Variants in TNNI3K observed in about 807,000 individuals in gnomAD.
TNNI3K encodes the protein TNNI3 interacting kinase, also known as serine/threonine-protein kinase TNNI3K.
In TNNI3K, 140 loss-of-function variants were observed where a neutral mutation model predicts 114.5. The observed-to-expected ratio is 1.22, with a 90% CI of 1.07 to 1.41. TNNI3K has a LOEUF of 1.41. Ranked by LOEUF, TNNI3K falls within the 40% of genes most tolerant of loss-of-function variation. The pLI, the probability that TNNI3K is intolerant of heterozygous loss-of-function variation, is 0.00. For missense variants in TNNI3K, 1,125 were observed against 1,007.6 expected, an observed-to-expected ratio of 1.12 and a Z score of -1.58; for synonymous variants, 347 against 347.5, an observed-to-expected ratio of 1.00 and a Z score of 0.02.
At chr1:74,373,239 A>T (rs1251722170) in intron 17 of TNNI3K, 1 of 151,972 alleles carries the variant, frequency 6.6e-6, no homozygotes, top group Non-Finnish European at 1.5e-5. Context: ...CAACTTTCAG[A>T]GGATTTCAAG....
At chr1:74,251,608 G>A (rs991491621) in intron 4 of TNNI3K, among the ~76,000 whole-genome samples, 5 of 152,120 alleles carry the variant, frequency 3.3e-5, no homozygotes, top group Admixed American at 1.3e-4. Flanking sequence ...TGTATATTGC[G>A]TATTTTGTTC....
chr1:74,443,653 A>G (rs1302961730), intron 20 of TNNI3K, among the ~76,000 whole-genome samples: 3 of 152,218 alleles, frequency 2.0e-5, no homozygotes, highest in African/African-American at 7.2e-5. Context: ...TCCCTAACTC[A>G]TATTATGAGA....
intron 23 of TNNI3K, among the ~76,000 whole-genome samples, chr1:74,529,053 CAAT>C (rs1411915997): frequency 6.6e-6 from 1 of 151,774 alleles, no homozygotes; most frequent in Non-Finnish European, 1.5e-5. Context: ...ACAGTGACAT[CAAT>C]AATATTGTAA....
intron 4 of TNNI3K, among the ~76,000 whole-genome samples, chr1:74,256,448 A>G (rs1249425800): frequency 1.3e-5 from 2 of 151,436 alleles, no homozygotes. Context: ...TGTCTGTTAA[A>G]TCTTTTTGCC....
intron 17 of TNNI3K, among the ~76,000 whole-genome samples, chr1:74,429,592 C>T (rs1209391560): frequency 1.3e-5 from 2 of 152,184 alleles, no homozygotes; most frequent in Non-Finnish European, 2.9e-5. Context: ...AGGTAAGACT[C>T]CCCAGAAAGG....
chr1:74,264,492 A>G (rs998682940), intron 4 of TNNI3K, among the ~76,000 whole-genome samples: 3 of 152,106 alleles, frequency 2.0e-5, no homozygotes, highest in Non-Finnish European at 4.4e-5. Context: ...TTCTAAAAAA[A>G]CCTTTTTCTT....
chr1:74,265,351 A>G (rs866901503), intron 4 of TNNI3K, among the ~76,000 whole-genome samples: 2 of 152,022 alleles, frequency 1.3e-5, no homozygotes, highest in African/African-American at 4.8e-5. Flanking sequence ...AAAATTGCCT[A>G]TGAAAGGAGT....
chr1:74,309,902 A>G (rs1273592238), intron 5 of TNNI3K, among the ~76,000 whole-genome samples: 1 of 152,158 alleles, frequency 6.6e-6, no homozygotes, highest in Non-Finnish European at 1.5e-5. Flanking sequence ...CTAGTACAAA[A>G]CAAGAATGTC....
chr1:74,451,984 A>C (rs1442802020), intron 20 of TNNI3K, among the ~76,000 whole-genome samples: 2 of 151,884 alleles, frequency 1.3e-5, no homozygotes, highest in East Asian at 3.8e-4. Context: ...ATCTCTAAAC[A>C]TCCACTGAAA....
chr1:74,367,794 C>A, intron 12 of TNNI3K, 114 bp from the exon 13 acceptor site: 2 of 946,822 alleles, frequency 2.1e-6, no homozygotes, highest in South Asian at 1.7e-5. Flanking sequence ...AAGATTTGGG[C>A]CTGAAGCGAT....
chr1:74,363,938 G>A lies in TNNI3K; in HGVS notation c.1178-3318G>A, dbSNP rs543801856. Among the ~76,000 whole-genome samples, 39 of 148,518 alleles carry A rather than the reference G, an allele frequency of 2.6e-4. No individual in the cohort carries two copies. The South Asian group carries it at 8.3e-3, about 32-fold the overall frequency. ...AAATAAAAAATAAAAAAAAACCTTA[G>A]AATCTGTGACTCTAGCAAGGAACAG... On this transcript the variant is annotated intron_variant, in intron 11 of 24. Transcript: ENST00000326637.
chr1:74,390,632 G>A (rs946177139), intron 17 of TNNI3K, among the ~76,000 whole-genome samples: 8 of 152,142 alleles, frequency 5.3e-5, no homozygotes, highest in African/African-American at 1.9e-4. Context: ...AGATGGCAAA[G>A]GTCTCTGCTT....
chr1:74,421,973 T>G lies in TNNI3K; in HGVS notation c.1773-14107T>G, dbSNP rs1218619554. The stretch of plus-strand genomic sequence containing the variant: ...CTTTTATTATTATTATTATTATTAT[T>G]ATTATTATTATTATTATTATTTATT... On this transcript the variant is annotated intron_variant, in intron 17 of 24. Coordinates refer to ENST00000326637, the MANE Select transcript of TNNI3K (RefSeq NM_015978.3). Among the ~76,000 whole-genome samples the G allele has an allele frequency of 8.1e-5, 12 of 148,364 alleles. No individual in the cohort carries two copies. In the East Asian group the frequency reaches 2.2e-3, roughly 27 times the overall value.
intron 4 of TNNI3K, among the ~76,000 whole-genome samples, chr1:74,260,506 A>G (rs1166932215): frequency 6.6e-6 from 1 of 152,168 alleles, no homozygotes. Context: ...TCTAACCTCT[A>G]AAATGAAGCA....
intron 23 of TNNI3K, among the ~76,000 whole-genome samples, chr1:74,538,386 A>G (rs1248592109): frequency 6.6e-6 from 1 of 152,104 alleles, no homozygotes; most frequent in Non-Finnish European, 1.5e-5. Context: ...TTAAGGATCT[A>G]TTAATTCTAT....
chr1:74,321,041 T>A (rs1659584229), intron 5 of TNNI3K, among the ~76,000 whole-genome samples: 1 of 152,140 alleles, frequency 6.6e-6, no homozygotes. Context: ...TGCAATGTAG[T>A]GAAAACTGTG....
chr1:74,370,189 G>C, intron 16 of TNNI3K, 99 bp from the exon 17 acceptor site: 1 of 1,039,726 alleles, frequency 9.6e-7, no homozygotes, highest in Non-Finnish European at 1.3e-6. Context: ...AACAAAAAAT[G>C]GTTAAGATGA....
intron 5 of TNNI3K, among the ~76,000 whole-genome samples, chr1:74,287,169 A>G (rs115502030): frequency 6.6e-6 from 1 of 152,302 alleles, no homozygotes; most frequent in Non-Finnish European, 1.5e-5. Flanking sequence ...ACTCAGATAA[A>G]CAAAAAGGAG....
At chr1:74,451,712 TTTCTTTC>T (rs1667024873) in intron 20 of TNNI3K, among the ~76,000 whole-genome samples, 1 of 73,720 alleles carries the variant, frequency 1.4e-5, no homozygotes, top group Non-Finnish European at 2.5e-5. Context: ...TCTTTCTTTC[TTTCTTTC>T]TTTCTTTCTT....
Sources: allele counts gnomAD v4.1 joint callset (sites outside exome capture counted in the v4.1 genomes callset), GRCh38; gene constraint gnomAD v4.1.1; transcripts MANE v1.5; gene names NCBI Gene and HGNC (gene_info 2026-07-23, HGNC 2026-07-21).